Variants in PPP4R1 observed in about 807,000 individuals in gnomAD.
PPP4R1 encodes the protein serine/threonine-protein phosphatase 4 regulatory subunit 1.
Under a neutral mutation model 111.2 loss-of-function variants are expected in PPP4R1, and 42 were observed. The observed-to-expected ratio is 0.38, with a 90% CI of 0.29 to 0.49. The LOEUF (loss-of-function observed/expected upper bound fraction) is 0.49, where lower values mean the gene tolerates loss of function less well. Ranked by LOEUF, PPP4R1 falls within the 20% of genes least tolerant of loss-of-function variation. PPP4R1 has a pLI of 0.97. For synonymous variants in PPP4R1, 409 were observed against 405.5 expected (o/e 1.01, Z -0.10); for missense variants, 1,012 against 1,161.6 (o/e 0.87, Z 1.87).
intron 10 of PPP4R1, among the ~76,000 whole-genome samples, chr18:9,576,823 G>A (rs2066943514): frequency 6.6e-6 from 1 of 152,090 alleles, no homozygotes; most frequent in Admixed American, 6.5e-5. Context: ...TATGTGCGAG[G>A]CATCTAGCTA....
At chr18:9,550,558 C>A in intron 16 of PPP4R1, 160 bp from the exon 17 acceptor site, 1 of 753,208 alleles carries the variant, frequency 1.3e-6, no homozygotes, top group Non-Finnish European at 2.1e-6. Context: ...ACAGTTACCT[C>A]CAGTCTCTGT....
intron 9 of PPP4R1, among the ~76,000 whole-genome samples, chr18:9,577,783 G>A (rs1177817740): frequency 3.9e-5 from 6 of 152,024 alleles, no homozygotes; most frequent in African/African-American, 1.4e-4. Flanking sequence ...CATTTGCATA[G>A]AACAAAACTA....
Position 9,547,566 on chromosome 18 carries a change from A to G in PPP4R1, c.*223T>C. ...GGTGACAATTATAATCCTCTGAGAAATTATTTCCCCTTAAAGTCAAGATAA... is the reference window on the plus strand; with the variant it reads ...GGTGACAATTATAATCCTCTGAGAAGTTATTTCCCCTTAAAGTCAAGATAA... On this transcript the variant is annotated 3_prime_UTR_variant, in exon 20 of 20. Coordinates refer to ENST00000400556, the MANE Select transcript of PPP4R1 (RefSeq NM_001042388.3). 1 of 454,852 alleles carries G rather than the reference A, an allele frequency of 2.2e-6. No homozygotes were observed. Among genetic ancestry groups the G allele is most frequent in the East Asian group, 3.3e-5 (1 of 30,562 alleles). The allele number at this position is 454,852 out of a possible 1,614,324, so 28.2% of individuals were successfully genotyped here.
At chr18:9,608,343 T>G (rs2067519650) in intron 2 of PPP4R1, among the ~76,000 whole-genome samples, 1 of 152,210 alleles carries the variant, frequency 6.6e-6, no homozygotes, top group Non-Finnish European at 1.5e-5. Context: ...CCAAGCCCAG[T>G]GTTCTTTCCC....
intron 4 of PPP4R1, among the ~76,000 whole-genome samples, chr18:9,590,662 C>G (rs1359973153): frequency 1.3e-5 from 2 of 151,960 alleles, no homozygotes; most frequent in African/African-American, 4.8e-5. Context: ...GATGGTCTTC[C>G]CAGTTGTGTC....
At chr18:9,606,879 T>C (rs996992397) in intron 2 of PPP4R1, among the ~76,000 whole-genome samples, 7 of 152,170 alleles carry the variant, frequency 4.6e-5, no homozygotes, top group Admixed American at 3.9e-4. Flanking sequence ...TTCCCTTCAG[T>C]GAGTAAAAAT....
chr18:9,599,976 T>TAAGG (rs772259585), intron 2 of PPP4R1, among the ~76,000 whole-genome samples: 1 of 152,092 alleles, frequency 6.6e-6, no homozygotes, highest in Non-Finnish European at 1.5e-5. Flanking sequence ...TAGTCTGGAG[T>TAAGG]AAGGCTCAGG....
In PPP4R1 at chr18:9,559,440, C is replaced by T; in HGVS notation, c.2007G>A (p.Glu669=). The change falls in exon 14 of 20, where the codon GAG becomes GAA. Residue 669 remains glutamate (E), a synonymous_variant. Transcript: ENST00000400556. ...TCACCTGCATGTCTGAGGCCAGAGTCTCATACGTCTCTCTCAGGCAGTGCC... is the reference window on the plus strand; with the variant it reads ...TCACCTGCATGTCTGAGGCCAGAGTTTCATACGTCTCTCTCAGGCAGTGCC... ...QNWHCLRETY[E]TLASDMQWKV... is the part of the protein sequence containing the mutation. 1.9e-6 allele frequency: 3 copies of T among 1,612,628 alleles called. No individual in the cohort carries two copies. The highest frequency in any genetic ancestry group is 2.5e-6 in the Non-Finnish European group (3 of 1,179,200).
In PPP4R1 at chr18:9,570,565, C is replaced by T; in HGVS notation, c.1165G>A (p.Glu389Lys). 4 of 1,614,192 alleles carry T rather than the reference C, an allele frequency of 2.5e-6. No homozygotes were observed. The highest frequency in any genetic ancestry group is 2.2e-5 in the South Asian group (2 of 91,080). ...LENTMEDHAA[E>K]ASGKPLGEIS... is the part of the protein sequence containing the mutation. Reference sequence around the variant, plus strand: ...TCACCTAGAGGCTTCCCGGATGCCTCAGCAGCATGGTCTTCCATCGTGTTT... The same window carrying T: ...TCACCTAGAGGCTTCCCGGATGCCTTAGCAGCATGGTCTTCCATCGTGTTT... The change falls in exon 11 of 20, where the codon GAG becomes AAG. Residue 389 changes from glutamate (E) to lysine (K), a missense_variant. Physicochemically the swap from Glu to Lys is moderately conservative, Grantham distance 56. This residue lies in a region of PPP4R1 where 707 missense variants were observed against 742.1 expected (regional missense o/e 0.95). Transcript: ENST00000400556.
Position 9,614,431 on chromosome 18 carries a change from G to T in PPP4R1, c.7+47C>A. 1 of 1,021,210 alleles carries T rather than the reference G, an allele frequency of 9.8e-7. No individual in the cohort carries two copies. Among genetic ancestry groups the T allele is most frequent in the Non-Finnish European group, 1.2e-6 (1 of 854,130 alleles). The allele number at this position is 1,021,210 out of a possible 1,614,324, so 63.3% of individuals were successfully genotyped here. On this transcript the variant is annotated intron_variant, in intron 1 of 19. Coordinates refer to ENST00000400556, the MANE Select transcript of PPP4R1 (RefSeq NM_001042388.3). The surrounding 1 kb of genome is among the most constrained non-coding windows in gnomAD (Gnocchi z 4.1). ...CACTCAGGGCTGCGGCGGAGGGCGG[G>T]TGGGCTCGAGGAGCCGCCGCCGCCC...
chr18:9,584,549 C>G lies in PPP4R1; in HGVS notation c.725G>C (p.Ser242Thr). The change falls in exon 8 of 20, where the codon AGT (serine) becomes ACT (threonine). Residue 242 changes from serine to threonine, a missense_variant. Around this residue, in one of 2 missense-constraint regions of PPP4R1, gnomAD observed 707 missense variants for 742.1 expected, o/e 0.95. Coordinates refer to ENST00000400556, the MANE Select transcript of PPP4R1 (RefSeq NM_001042388.3). ...VCAANFGDIC[S>T]VVGQQATEEM... ...TTCAGTAGCTTGCTGGCCAACTACACTGCAAATATCTCCAAAATTGGCAGC... is the reference window on the plus strand; with the variant it reads ...TTCAGTAGCTTGCTGGCCAACTACAGTGCAAATATCTCCAAAATTGGCAGC... 6.2e-7 allele frequency: 1 copy of G among 1,613,446 alleles called. No homozygotes were observed. Among genetic ancestry groups the G allele is most frequent in the Admixed American group, 1.7e-5 (1 of 59,866 alleles).
In PPP4R1 at chr18:9,570,384, T is replaced by C; in HGVS notation, c.1346A>G (p.Asp449Gly). ...GTTSQDSALLDQELYNSFHFW... is the reference protein window; with the variant it reads ...GTTSQDSALLGQELYNSFHFW... ...ATGGAAGGAGTTATACAATTCCTGA[T>C]CTAAGAGAGCTGAATCTTGTGAAGT... Residue 449 changes from aspartate (D) to glycine (G), a missense_variant, in exon 11 of 20, where the codon GAT becomes GGT. Asp to Gly is a moderately conservative substitution (Grantham distance 94, BLOSUM62 -1). Coordinates refer to ENST00000400556, the MANE Select transcript of PPP4R1 (RefSeq NM_001042388.3). The C allele has an allele frequency of 6.2e-7, 1 of 1,613,770 alleles. No individual in the cohort carries two copies. Among genetic ancestry groups the C allele is most frequent in the Admixed American group, 1.7e-5 (1 of 59,952 alleles).
intron 2 of PPP4R1, among the ~76,000 whole-genome samples, chr18:9,599,171 T>C (rs544849564): frequency 2.0e-5 from 3 of 152,218 alleles, no homozygotes; most frequent in African/African-American, 4.8e-5. Flanking sequence ...TCACAACATA[T>C]GTAGAAGTAT....
At chr18:9,601,214 T>G (rs9676118) in intron 2 of PPP4R1, among the ~76,000 whole-genome samples, 26,252 of 138,660 alleles carry the variant, frequency 0.19, 2,557 homozygotes, top group Non-Finnish European at 0.21. Flanking sequence ...GTTTTTTTTT[T>G]TGGGGAAAAA....
chr18:9,561,920 G>A, intron 13 of PPP4R1, 60 bp downstream of exon 13: 8 of 1,365,140 alleles, frequency 5.9e-6, no homozygotes, highest in Non-Finnish European at 7.3e-6. Flanking sequence ...GGTCAGAAAT[G>A]GGCTCTAAAA....
upstream of PPP4R1, chr18:9,615,162 T>C (rs1260715308): frequency 6.6e-6 from 1 of 152,232 alleles, no homozygotes; most frequent in Non-Finnish European, 1.5e-5. Context: ...GGCTGCGGGA[T>C]GGTTGACTGA....
intron 2 of PPP4R1, among the ~76,000 whole-genome samples, chr18:9,602,296 C>A (rs2067397405): frequency 6.9e-6 from 1 of 145,400 alleles, no homozygotes. Flanking sequence ...CTTTGGGAGG[C>A]CAAGGCAGGC....
At chr18:9,596,318 C>T (rs1241165801) in intron 2 of PPP4R1, among the ~76,000 whole-genome samples, 4 of 152,166 alleles carry the variant, frequency 2.6e-5, no homozygotes, top group Non-Finnish European at 5.9e-5. Context: ...TTTCCCAAAG[C>T]CCTAAGAGCT....
intron 2 of PPP4R1, among the ~76,000 whole-genome samples, chr18:9,609,098 G>C (rs1401076987): frequency 6.6e-6 from 1 of 152,080 alleles, no homozygotes. Context: ...GTTGTTAGCA[G>C]AGGTATCATT....
Sources: gnomAD v4.1 joint callset for allele counts (sites outside exome capture counted in the v4.1 genomes callset) on GRCh38, gnomAD v4.1.1 for gene constraint, gnomAD v4.1.1 regional missense constraint, Gnocchi (gnomAD v3.1) non-coding constraint, MANE v1.5 for transcripts, NCBI Gene and HGNC (gene_info 2026-07-23, HGNC 2026-07-21) for gene names.